The following UBP1 variants were observed in gnomAD, a reference collection of about 807,000 sequenced individuals.
The protein encoded by UBP1 is upstream binding protein 1.
In UBP1, 22 loss-of-function variants were observed where a neutral mutation model predicts 76.1. The ratio of observed to expected loss-of-function variants is 0.29; its 90% CI spans 0.21 to 0.41. The LOEUF is 0.41. UBP1 is among the 10% of genes least tolerant of loss of function. UBP1 has a pLI of 1.00. For missense variants in UBP1, 436 were observed against 668.1 expected, an observed-to-expected ratio of 0.65 and a Z score of 3.83; for synonymous variants, 224 against 237.1, an observed-to-expected ratio of 0.94 and a Z score of 0.51.
Position 33,396,298 on chromosome 3 carries a change from C to G in UBP1, c.1272-18G>C. The G allele has an allele frequency of 6.4e-7, 1 of 1,552,430 alleles. No individual in the cohort carries two copies. Among genetic ancestry groups the G allele is most frequent in the South Asian group, 1.2e-5 (1 of 85,816 alleles). ...TAACCGACCTGCAATCAGAAGATGC[C>G]ACTGATGAGCCTGGGAGAGAAAGCT... On this transcript the variant is annotated intron_variant, in intron 12 of 15. Transcript: ENST00000283629.
chr3:33,411,501 T>G, intron 5 of UBP1, 80 bp downstream of exon 5: 1 of 1,187,538 alleles, frequency 8.4e-7, no homozygotes, highest in Non-Finnish European at 1.3e-6. Context: ...TTAAAGGAAA[T>G]GATACTGTAT....
Position 33,425,724 on chromosome 3 carries a change from G to A in UBP1, c.131C>T (p.Pro44Leu). 1 of 1,593,628 alleles carries A rather than the reference G, an allele frequency of 6.3e-7. No individual in the cohort carries two copies. The highest frequency in any genetic ancestry group is 8.6e-7 in the Non-Finnish European group (1 of 1,164,446). ...GCTGGAATCTTCCTGCTTGAAAATG[G>A]GCAATGCCAAGACATCACTGAAAAG... ...AYSMSDVLAL[P>L]IFKQEDSSLP... The change falls in exon 2 of 16, where the codon CCC becomes CTC. Residue 44 changes from proline (P) to leucine (L), a missense_variant. Around this residue, in one of 3 missense-constraint regions of UBP1, gnomAD observed 161 missense variants for 237.9 expected, o/e 0.68. Coordinates refer to ENST00000283629, the MANE Select transcript of UBP1 (RefSeq NM_014517.5).
chr3:33,403,510 A>ATCTATCTATCTATCTATCTG (rs1429519631), intron 8 of UBP1: 4 of 21,174 alleles, frequency 1.9e-4, no homozygotes, highest in African/African-American at 3.0e-4. Context: ...CTATCTATCT[A>ATCTATCTATCTATCTATCTG]TCTGTCTGTC....
intron 1 of UBP1, among the ~76,000 whole-genome samples, chr3:33,429,813 C>G (rs1031786136): frequency 1.3e-5 from 2 of 152,186 alleles, no homozygotes; most frequent in Non-Finnish European, 2.9e-5. Flanking sequence ...TCAGGGAGGA[C>G]AAATGAATGA....
chr3:33,396,447 C>T, intron 12 of UBP1, 167 bp from the exon 13 acceptor site: 1 of 528,608 alleles, frequency 1.9e-6, no homozygotes, highest in South Asian at 3.3e-5. Context: ...CCACACACCT[C>T]ACACCAACTA....
chr3:33,411,391 A>G (rs1010811220), intron 5 of UBP1, among the ~76,000 whole-genome samples, 190 bp downstream of exon 5: 7 of 152,218 alleles, frequency 4.6e-5, no homozygotes, highest in Non-Finnish European at 7.3e-5. Flanking sequence ...CATATCATAG[A>G]ATGTCTTCAT....
intron 11 of UBP1, 97 bp from the exon 12 acceptor site, chr3:33,397,232 T>C: frequency 1.2e-6 from 1 of 848,414 alleles, no homozygotes. Flanking sequence ...TCCTTCAAAA[T>C]AATCAGATAT....
At position 33,393,472 on chromosome 3, in the gene UBP1, A is replaced by G. The variant is rs138250969; in HGVS notation, c.1391-18T>C. The G allele has an allele frequency of 4.3e-5, 69 of 1,595,218 alleles. No individual in the cohort carries two copies. In the East Asian group the frequency reaches 1.4e-3, roughly 33 times the overall value. Reference sequence around the variant, plus strand: ...ATGATAAACTGAAATTAAAAAAAAAAAAAGAAAAGCATTTTAACAGTAATC... The same window carrying G: ...ATGATAAACTGAAATTAAAAAAAAAGAAAGAAAAGCATTTTAACAGTAATC... On this transcript the variant is annotated intron_variant, in intron 13 of 15. Coordinates refer to ENST00000283629, the MANE Select transcript of UBP1 (RefSeq NM_014517.5).
At position 33,400,858 on chromosome 3, in the gene UBP1, A is replaced by G. The variant is rs1230050767; in HGVS notation, c.1086+104T>C. ...ACTCGATTACCACACATTACCATACATGTAACAAAACTTCTCACCTACTCC... is the reference window on the plus strand; with the variant it reads ...ACTCGATTACCACACATTACCATACGTGTAACAAAACTTCTCACCTACTCC... On this transcript the variant is annotated intron_variant, in intron 10 of 15. Coordinates refer to ENST00000283629, the MANE Select transcript of UBP1 (RefSeq NM_014517.5). 3.7e-6 allele frequency: 4 copies of G among 1,091,140 alleles called. No individual in the cohort carries two copies. The East Asian group carries it at 1.0e-4, about 28-fold the overall frequency. 67.6% of individuals were successfully genotyped at this position (1,091,140 alleles called of 1,614,324 possible).
chr3:33,409,611 G>C lies in UBP1; in HGVS notation c.556-10C>G, dbSNP rs752663090. 1.9e-6 allele frequency: 3 copies of C among 1,613,856 alleles called. No homozygotes were observed. Among genetic ancestry groups the C allele is most frequent in the East Asian group, 2.2e-5 (1 of 44,888 alleles). ...TGCTGATGCAGTGTACCTATAAAAC[G>C]ATTCAGGCTGAAATGGATTCAAAGA... On this transcript the variant is annotated splice_polypyrimidine_tract_variant and intron_variant, in intron 5 of 15. Coordinates refer to ENST00000283629, the MANE Select transcript of UBP1 (RefSeq NM_014517.5).
intron 1 of UBP1, among the ~76,000 whole-genome samples, chr3:33,429,992 T>C (rs907676133): frequency 5.9e-5 from 9 of 151,950 alleles, no homozygotes; most frequent in Admixed American, 5.9e-4. Flanking sequence ...TAAAGAGACA[T>C]GAAAGAAACA....
At chr3:33,434,289 C>CTTTTTTT (rs371209882) in intron 1 of UBP1, among the ~76,000 whole-genome samples, 18 of 101,264 alleles carry the variant, frequency 1.8e-4, no homozygotes, top group African/African-American at 7.2e-4. Flanking sequence ...TCAGCAAATC[C>CTTTTTTT]TTTTTTTTTT....
rs780152893 is a variant in UBP1 at position 33,439,709 on chromosome 3, C to A, written c.113+27G>T. ...CAGGCCTTCCCCAAGGAGACAGAGGCTTCTCCCCGCCCAGGGAGCCCAGTA... is the reference window on the plus strand; with the variant it reads ...CAGGCCTTCCCCAAGGAGACAGAGGATTCTCCCCGCCCAGGGAGCCCAGTA... On this transcript the variant is annotated intron_variant, in intron 1 of 15. Transcript: ENST00000283629. 4.4e-6 allele frequency: 7 copies of A among 1,607,850 alleles called. No homozygotes were observed. The South Asian group carries it at 7.7e-5, about 18-fold the overall frequency.
intron 1 of UBP1, among the ~76,000 whole-genome samples, chr3:33,430,909 T>C (rs1208007428): frequency 6.6e-6 from 1 of 152,036 alleles, no homozygotes; most frequent in Non-Finnish European, 1.5e-5. Flanking sequence ...CTGATTTCTA[T>C]TTTCCTGACT....
intron 13 of UBP1, among the ~76,000 whole-genome samples, chr3:33,394,424 TC>T (rs1017517480): frequency 6.6e-6 from 1 of 151,814 alleles, no homozygotes; most frequent in Non-Finnish European, 1.5e-5. Flanking sequence ...TATATGCCCC[TC>T]CCCCACAAAA....
intron 15 of UBP1, chr3:33,391,244 T>C (rs1410354747): frequency 6.6e-6 from 1 of 152,208 alleles, no homozygotes; most frequent in Non-Finnish European, 1.5e-5. Flanking sequence ...ACATGACATC[T>C]CCCTCTTCTA....
chr3:33,393,328 ATG>A lies in UBP1; in HGVS notation c.1515_1516del (p.Ile506SerfsTer3). ...TTGATTTACCTGATCACTAACAAGA[ATG>A]TGAATACCGGTGGGACCCTGTCTGT... On this transcript the variant is annotated frameshift_variant, in exon 14 of 16. Transcript: ENST00000283629. LOFTEE classifies it high-confidence loss of function. 1 of 1,607,282 alleles carries A rather than the reference ATG, an allele frequency of 6.2e-7. No homozygotes were observed. Among genetic ancestry groups the A allele is most frequent in the Non-Finnish European group, 8.5e-7 (1 of 1,177,654 alleles).
rs756650877 is a variant in UBP1, at chr3:33,408,744, G to A, written c.873C>T (p.Ser291=). The A allele has an allele frequency of 6.2e-7, 1 of 1,613,968 alleles. No individual in the cohort carries two copies. Among genetic ancestry groups the A allele is most frequent in the Non-Finnish European group, 8.5e-7 (1 of 1,179,934 alleles). ...AGTCTGCTGGCAAAGTCCGCTTGCTGGACTTTTTCTGCTCATGTTCAACTG... is the reference window on the plus strand; with the variant it reads ...AGTCTGCTGGCAAAGTCCGCTTGCTAGACTTTTTCTGCTCATGTTCAACTG... The part of the protein sequence containing the change: ...EDAVEHEQKK[S]SKRTLPADYG... The change falls in exon 8 of 16, where the codon TCC becomes TCT. Residue 291 remains serine, a synonymous_variant. Transcript: ENST00000283629.
chr3:33,394,340 C>T (rs2043883928), intron 13 of UBP1, among the ~76,000 whole-genome samples: 1 of 151,970 alleles, frequency 6.6e-6, no homozygotes, highest in African/African-American at 2.4e-5. Flanking sequence ...GCCAGCACGC[C>T]CAGTTAAGCA....
Sources: allele counts gnomAD v4.1 joint callset (sites outside exome capture counted in the v4.1 genomes callset), GRCh38; gene constraint gnomAD v4.1.1; regional missense constraint gnomAD v4.1.1; transcripts MANE v1.5; gene names NCBI Gene and HGNC (gene_info 2026-07-23, HGNC 2026-07-21).